The following PRKCI variants were observed in gnomAD, a reference collection of about 807,000 sequenced individuals.
PRKCI encodes the protein protein kinase C iota, also known as protein kinase C iota type.
Under a neutral mutation model 84.0 loss-of-function variants are expected in PRKCI, and 43 were observed. That is an observed-to-expected ratio of 0.51 (90% CI 0.40 to 0.66). PRKCI has a LOEUF of 0.66. Ranked by LOEUF, PRKCI falls within the 30% of genes least tolerant of loss-of-function variation. PRKCI has a pLI of 0.00. For synonymous variants in PRKCI, 216 were observed against 234.4 expected (o/e 0.92, Z 0.72); for missense variants, 459 against 745.6 (o/e 0.62, Z 4.48).
chr3:170,234,686 T>A (rs1159168870), intron 1 of PRKCI, among the ~76,000 whole-genome samples: 1 of 152,238 alleles, frequency 6.6e-6, no homozygotes, highest in Non-Finnish European at 1.5e-5. Context: ...TTGCTTTAAA[T>A]CAAGCAATTC....
intron 10 of PRKCI, chr3:170,281,522 AT>A (rs1245282159): frequency 2.4e-6 from 1 of 419,624 alleles, no homozygotes; most frequent in Admixed American, 4.2e-5. Flanking sequence ...CCTTTTAAAT[AT>A]CCCCAGTATT....
intron 2 of PRKCI, among the ~76,000 whole-genome samples, chr3:170,240,212 T>C (rs1024101110): frequency 1.3e-5 from 2 of 152,158 alleles, no homozygotes; most frequent in African/African-American, 4.8e-5. Flanking sequence ...TACAAGAGGC[T>C]AGCAACAAGC....
At chr3:170,232,309 T>C (rs1310875522) in intron 1 of PRKCI, among the ~76,000 whole-genome samples, 3 of 152,108 alleles carry the variant, frequency 2.0e-5, no homozygotes, top group Non-Finnish European at 4.4e-5. Context: ...CATTGGCCTT[T>C]CAAAGTGCTG....
intron 1 of PRKCI, among the ~76,000 whole-genome samples, chr3:170,229,630 G>A (rs1240284067): frequency 6.6e-6 from 1 of 152,130 alleles, no homozygotes; most frequent in East Asian, 1.9e-4. Context: ...TCGGATTGAT[G>A]AACATTTAAA....
intron 17 of PRKCI, among the ~76,000 whole-genome samples, chr3:170,300,927 C>G (rs1172927133): frequency 6.6e-6 from 1 of 152,134 alleles, no homozygotes; most frequent in African/African-American, 2.4e-5. Flanking sequence ...TCCCTGTCCC[C>G]TTGAGACCAG....
intron 13 of PRKCI, among the ~76,000 whole-genome samples, chr3:170,293,101 A>G (rs1430525597): frequency 1.3e-5 from 2 of 152,084 alleles, no homozygotes; most frequent in Non-Finnish European, 2.9e-5. Flanking sequence ...TATATCCTCA[A>G]CACACAATAT....
chr3:170,291,813 C>G (rs41273585), intron 12 of PRKCI, 41 bp from the exon 13 acceptor site: 1 of 1,498,678 alleles, frequency 6.7e-7, no homozygotes, highest in South Asian at 1.1e-5. Flanking sequence ...TAAAACAGAA[C>G]TTTTTATCTC....
intron 2 of PRKCI, among the ~76,000 whole-genome samples, chr3:170,251,228 C>T (rs1310956720): frequency 2.0e-5 from 3 of 152,172 alleles, no homozygotes; most frequent in Non-Finnish European, 4.4e-5. Context: ...CCCTGCATAT[C>T]AATCTGTGAA....
chr3:170,229,131 C>T (rs545819865), intron 1 of PRKCI, among the ~76,000 whole-genome samples: 14 of 152,122 alleles, frequency 9.2e-5, no homozygotes, highest in African/African-American at 2.6e-4. Context: ...TATATCATAT[C>T]GGTATATTTA....
intron 12 of PRKCI, among the ~76,000 whole-genome samples, chr3:170,286,506 T>G (rs2108862059): frequency 6.7e-6 from 1 of 148,974 alleles, no homozygotes; most frequent in South Asian, 2.1e-4. Flanking sequence ...TTTTTTTTTT[T>G]TGCCTGTGAG....
intron 11 of PRKCI, 38 bp downstream of exon 11, chr3:170,282,006 G>A: frequency 6.3e-7 from 1 of 1,595,944 alleles, no homozygotes; most frequent in Non-Finnish European, 8.5e-7. Flanking sequence ...TTTTCTTTTT[G>A]GGGCCATGTG....
intron 16 of PRKCI, among the ~76,000 whole-genome samples, chr3:170,298,322 T>A (rs1202135771): frequency 6.6e-6 from 1 of 152,064 alleles, no homozygotes; most frequent in African/African-American, 2.4e-5. Context: ...ATTGAACTCC[T>A]GAGCTTAAGA....
chr3:170,298,970 G>A (rs1432101113), intron 16 of PRKCI, 25 bp from the exon 17 acceptor site: 2 of 1,464,704 alleles, frequency 1.4e-6, no homozygotes, highest in East Asian at 4.5e-5. Context: ...ACAGACTTGA[G>A]CTGTCATCCA....
chr3:170,244,733 C>G (rs1438675355), intron 2 of PRKCI: 1 of 152,066 alleles, frequency 6.6e-6, no homozygotes. Flanking sequence ...TACTCACCCC[C>G]CAATGGGGTT....
intron 13 of PRKCI, among the ~76,000 whole-genome samples, chr3:170,293,099 C>T (rs1354916383): frequency 1.3e-5 from 2 of 150,772 alleles, no homozygotes; most frequent in Non-Finnish European, 3.0e-5. Flanking sequence ...ATTATATCCT[C>T]AACACACAAT....
At chr3:170,249,014 A>AT (rs1251295544) in intron 2 of PRKCI, among the ~76,000 whole-genome samples, 1 of 151,684 alleles carries the variant, frequency 6.6e-6, no homozygotes, top group Non-Finnish European at 1.5e-5. Flanking sequence ...CGCTTGGCTA[A>AT]TTTTTTTGTA....
chr3:170,301,674 T>G (rs1734823122), intron 17 of PRKCI, among the ~76,000 whole-genome samples: 1 of 152,166 alleles, frequency 6.6e-6, no homozygotes, highest in Admixed American at 6.5e-5. Context: ...ACATCAGATC[T>G]TTCTTTTCTC....
At chr3:170,287,028 C>T (rs920978689) in intron 12 of PRKCI, among the ~76,000 whole-genome samples, 3 of 151,798 alleles carry the variant, frequency 2.0e-5, no homozygotes, top group Admixed American at 6.6e-5. Flanking sequence ...CCACCACGCC[C>T]GACTGAAGAT....
chr3:170,249,781 A>G (rs576290377), intron 2 of PRKCI, among the ~76,000 whole-genome samples: 22 of 150,810 alleles, frequency 1.5e-4, no homozygotes, highest in African/African-American at 5.4e-4. Context: ...TAGACAACAG[A>G]GTGAGACTCT....
Sources: gnomAD v4.1 joint callset for allele counts (sites outside exome capture counted in the v4.1 genomes callset) on GRCh38, gnomAD v4.1.1 for gene constraint, MANE v1.5 for transcripts, NCBI Gene and HGNC (gene_info 2026-07-23, HGNC 2026-07-21) for gene names.